GRID2: variants seen among roughly 807,000 people sequenced by gnomAD.
GRID2 encodes glutamate receptor ionotropic, delta-2.
Under a neutral mutation model 114.8 loss-of-function variants are expected in GRID2, and 33 were observed. The observed-to-expected ratio is 0.29, with a 90% CI of 0.22 to 0.38. The LOEUF is 0.38. GRID2 is among the 10% of genes least tolerant of loss of function. The probability of loss-of-function intolerance (pLI) is 1.00; values close to 1 mark genes in which losing one functional copy is unlikely to be tolerated. For synonymous variants in GRID2, 505 were observed against 449.9 expected (o/e 1.12, Z -1.55); for missense variants, 1,184 against 1,257.7 (o/e 0.94, Z 0.89).
intron 2 of GRID2, among the ~76,000 whole-genome samples, chr4:92,968,106 T>A (rs1315058596): frequency 6.6e-6 from 1 of 151,868 alleles, no homozygotes; most frequent in Non-Finnish European, 1.5e-5. Context: ...CATAGAAAAG[T>A]TTTGATTTAT....
At chr4:92,765,150 T>A (rs1024925630) in intron 2 of GRID2, among the ~76,000 whole-genome samples, 1 of 152,182 alleles carries the variant, frequency 6.6e-6, no homozygotes, top group Non-Finnish European at 1.5e-5. Flanking sequence ...GCTCACACTT[T>A]CAATTTTATA....
At chr4:92,476,227 G>A (rs1490326831) in intron 1 of GRID2, among the ~76,000 whole-genome samples, 2 of 151,978 alleles carry the variant, frequency 1.3e-5, no homozygotes, top group Admixed American at 6.6e-5. Context: ...GGGTTTCACC[G>A]TGTTAGCCAG....
At chr4:92,690,477 A>G (rs547948652) in intron 2 of GRID2, among the ~76,000 whole-genome samples, 5 of 152,238 alleles carry the variant, frequency 3.3e-5, no homozygotes, top group Non-Finnish European at 7.3e-5. Flanking sequence ...TCACCATAAC[A>G]GATATAAAGC....
At chr4:93,761,249 G>T (rs1297812234) in intron 14 of GRID2, among the ~76,000 whole-genome samples, 1 of 152,112 alleles carries the variant, frequency 6.6e-6, no homozygotes, top group African/African-American at 2.4e-5. Context: ...ACCATCTCTG[G>T]TTCTAAAACG....
intron 1 of GRID2, among the ~76,000 whole-genome samples, chr4:93,781,786 TAC>T (rs1734485821): frequency 6.6e-6 from 1 of 152,198 alleles, no homozygotes; most frequent in African/African-American, 2.4e-5. Context: ...ACATGTTTAG[TAC>T]AGAGTGTTTT....
chr4:92,372,077 T>C (rs1366991547), intron 1 of GRID2, among the ~76,000 whole-genome samples: 2 of 152,156 alleles, frequency 1.3e-5, no homozygotes, highest in African/African-American at 4.8e-5. Context: ...ATCGCTGCAA[T>C]CTCATGACAA....
At chr4:93,546,661 A>G (rs1232942427) in intron 13 of GRID2, among the ~76,000 whole-genome samples, 2 of 152,168 alleles carry the variant, frequency 1.3e-5, no homozygotes, top group Admixed American at 6.5e-5. Context: ...TTTTCAGTCA[A>G]TTTAATAGGA....
chr4:92,757,512 AT>A (rs772701555), intron 2 of GRID2, among the ~76,000 whole-genome samples: 4 of 152,116 alleles, frequency 2.6e-5, no homozygotes, highest in Non-Finnish European at 5.9e-5. Flanking sequence ...ACAAGAAATC[AT>A]ATGTATGTAC....
intron 2 of GRID2, among the ~76,000 whole-genome samples, chr4:92,876,753 A>G (rs1745666660): frequency 1.3e-5 from 2 of 152,216 alleles, no homozygotes; most frequent in Admixed American, 1.3e-4. Flanking sequence ...ACCCACAGGG[A>G]GCAGCAGAAC....
intron 2 of GRID2, among the ~76,000 whole-genome samples, chr4:92,772,427 T>G (rs1738587915): frequency 6.6e-6 from 1 of 152,078 alleles, no homozygotes; most frequent in Non-Finnish European, 1.5e-5. Context: ...GGCGTTTGAG[T>G]CAATAGTGAG....
chr4:93,073,796 A>G (rs1729023355), intron 2 of GRID2, among the ~76,000 whole-genome samples: 1 of 152,282 alleles, frequency 6.6e-6, no homozygotes, highest in East Asian at 1.9e-4. Context: ...ACATTCTGGG[A>G]GGCAGGAAAC....
chr4:93,112,864 T>C (rs1732900885), intron 4 of GRID2, among the ~76,000 whole-genome samples: 1 of 152,192 alleles, frequency 6.6e-6, no homozygotes, highest in South Asian at 2.1e-4. Context: ...TGTTTGTTTG[T>C]GTATCCAAAT....
intron 1 of GRID2, among the ~76,000 whole-genome samples, chr4:92,441,613 A>G (rs2149067747): frequency 6.6e-6 from 1 of 151,880 alleles, no homozygotes; most frequent in Admixed American, 6.6e-5. Flanking sequence ...AAAATGGGGG[A>G]ATTGTAAGGA....
At chr4:93,629,031 T>A (rs1267741542) in intron 14 of GRID2, among the ~76,000 whole-genome samples, 3 of 152,190 alleles carry the variant, frequency 2.0e-5, no homozygotes, top group African/African-American at 7.2e-5. Flanking sequence ...CCTCCCAAAG[T>A]GTTGGGATTA....
At chr4:92,917,035 A>C (rs909520863) in intron 2 of GRID2, among the ~76,000 whole-genome samples, 1 of 152,106 alleles carries the variant, frequency 6.6e-6, no homozygotes, top group African/African-American at 2.4e-5. Flanking sequence ...TTGTTTCCTG[A>C]CATTTTAATG....
chr4:93,558,154 G>A (rs112971193), intron 13 of GRID2, among the ~76,000 whole-genome samples: 4,686 of 151,990 alleles, frequency 0.031, 110 homozygotes, highest in Non-Finnish European at 0.046. Flanking sequence ...TAAAATCGAC[G>A]CCCTAACAAT....
intron 1 of GRID2, among the ~76,000 whole-genome samples, chr4:92,566,165 G>C (rs1299626759): frequency 6.6e-6 from 1 of 151,936 alleles, no homozygotes; most frequent in Non-Finnish European, 1.5e-5. Flanking sequence ...ATTTGGGGAG[G>C]TATGTGTGAT....
At chr4:92,732,323 T>C (rs1736366713) in intron 2 of GRID2, among the ~76,000 whole-genome samples, 1 of 152,028 alleles carries the variant, frequency 6.6e-6, no homozygotes, top group Admixed American at 6.6e-5. Context: ...TGGTTACTGA[T>C]TCAGTATCAT....
intron 2 of GRID2, among the ~76,000 whole-genome samples, chr4:92,932,473 G>C (rs1415187885): frequency 1.3e-5 from 2 of 151,254 alleles, no homozygotes; most frequent in South Asian, 4.1e-4. Context: ...TTTGTGGTAG[G>C]AAAAATGTAT....
Sources: gnomAD v4.1 joint callset for allele counts (sites outside exome capture counted in the v4.1 genomes callset) on GRCh38, gnomAD v4.1.1 for gene constraint, MANE v1.5 for transcripts, NCBI Gene and HGNC (gene_info 2026-07-23, HGNC 2026-07-21) for gene names.